The following AK7 variants were observed in gnomAD, a reference collection of about 807,000 sequenced individuals.
AK7 encodes the protein ATP-AMP transphosphorylase 7.
In AK7, 78 loss-of-function variants were observed where a neutral mutation model predicts 96.6. That is an observed-to-expected ratio of 0.81 (90% CI 0.67 to 0.97). AK7 has a LOEUF of 0.97. AK7 is among the 50% of genes least tolerant of loss of function. The pLI, the probability that AK7 is intolerant of heterozygous loss-of-function variation, is 0.00. For synonymous variants in AK7, 302 were observed against 317.2 expected, an observed-to-expected ratio of 0.95 and a Z score of 0.51; for missense variants, 855 against 887.9, an observed-to-expected ratio of 0.96 and a Z score of 0.47.
chr14:96,437,777 G>C, intron 5 of AK7, 58 bp from the exon 6 acceptor site: 1 of 1,326,904 alleles, frequency 7.5e-7, no homozygotes, highest in Non-Finnish European at 1.1e-6. Flanking sequence ...AAATAATCTG[G>C]TTCAGTATGA....
chr14:96,450,104 C>T (rs1329728869), intron 9 of AK7, among the ~76,000 whole-genome samples: 1 of 151,952 alleles, frequency 6.6e-6, no homozygotes, highest in Non-Finnish European at 1.5e-5. Context: ...CCTGAATAAC[C>T]CCCAGAGGTC....
At chr14:96,483,865 G>C (rs1468287016) in intron 16 of AK7, among the ~76,000 whole-genome samples, 1 of 152,098 alleles carries the variant, frequency 6.6e-6, no homozygotes, top group Non-Finnish European at 1.5e-5. Flanking sequence ...ACCTACCCAG[G>C]TGGTCAGCTT....
chr14:96,471,531 A>C lies in AK7; in HGVS notation c.1411A>C (p.Met471Leu), dbSNP rs754143982. ...ATTTATGAAAGAAAAGCTAAAATCA[A>C]TGCCTTGCAGGAATCAAGGTTATAT... ...IRFMKEKLKS[M>L]PCRNQGYILD... Residue 471 changes from methionine to leucine, a missense_variant, in exon 13 of 18, where the codon ATG (methionine) becomes CTG (leucine). Coordinates refer to ENST00000267584, the MANE Select transcript of AK7 (RefSeq NM_152327.5). 1 of 1,568,902 alleles carries C rather than the reference A, an allele frequency of 6.4e-7. No individual in the cohort carries two copies. Among genetic ancestry groups the C allele is most frequent in the Non-Finnish European group, 8.7e-7 (1 of 1,147,526 alleles).
chr14:96,435,681 G>A (rs773035590), intron 5 of AK7, among the ~76,000 whole-genome samples: 9 of 152,148 alleles, frequency 5.9e-5, no homozygotes, highest in South Asian at 2.1e-4. Context: ...TGTAGCCCTC[G>A]GTGGCGAGGT....
chr14:96,443,660 A>T (rs889416673), intron 7 of AK7, among the ~76,000 whole-genome samples: 1 of 152,138 alleles, frequency 6.6e-6, no homozygotes, highest in Non-Finnish European at 1.5e-5. Context: ...TGAGTCAGGG[A>T]TATCCAATCT....
At position 96,451,512 on chromosome 14, in the gene AK7, G is replaced by T. The variant is rs780991483; in HGVS notation, c.1040G>T (p.Gly347Val). 5 of 1,600,248 alleles carry T rather than the reference G, an allele frequency of 3.1e-6. No individual in the cohort carries two copies. Among genetic ancestry groups the T allele is most frequent in the African/African-American group, 1.3e-5 (1 of 74,510 alleles). ...AATATTCGATGGGCTGCCCAAACAG[G>T]ATTTGTGGAAAATATCAACACTATC... Reference protein sequence around the residue: ...NFNIRWAAQTGFVENINTILK... With the variant: ...NFNIRWAAQTVFVENINTILK... The change falls in exon 10 of 18, where the codon GGA becomes GTA. Residue 347 changes from glycine (G) to valine (V), a missense_variant. Transcript: ENST00000267584.
chr14:96,408,211 G>A (rs1007806670), intron 3 of AK7, among the ~76,000 whole-genome samples: 14 of 152,138 alleles, frequency 9.2e-5, no homozygotes, highest in African/African-American at 3.4e-4. Flanking sequence ...CTCCTAAGAG[G>A]CCCTTACTTT....
At chr14:96,415,824 A>G (rs28380219) in intron 4 of AK7, among the ~76,000 whole-genome samples, 1 of 105,056 alleles carries the variant, frequency 9.5e-6, no homozygotes, top group African/African-American at 3.3e-5. Flanking sequence ...CATTAATTAA[A>G]TAATTAAGGT....
At chr14:96,454,696 A>C (rs1259591329) in intron 10 of AK7, among the ~76,000 whole-genome samples, 1 of 149,632 alleles carries the variant, frequency 6.7e-6, no homozygotes, top group African/African-American at 2.5e-5. Flanking sequence ...CAGGGATCTC[A>C]CTATATTGCT....
chr14:96,458,304 A>T (rs977904946), intron 12 of AK7, 92 bp downstream of exon 12: 126 of 1,480,902 alleles, frequency 8.5e-5, no homozygotes, highest in Non-Finnish European at 1.1e-4. Flanking sequence ...AAAAAAAAAG[A>T]CTGAACTACA....
At chr14:96,414,659 CTA>C (rs1891220406) in intron 4 of AK7, among the ~76,000 whole-genome samples, 1 of 151,820 alleles carries the variant, frequency 6.6e-6, no homozygotes, top group African/African-American at 2.4e-5. Context: ...GTGGTAGGCG[CTA>C]TGTCTGGCCA....
intron 10 of AK7, among the ~76,000 whole-genome samples, chr14:96,452,011 G>A (rs1298324092): frequency 1.3e-5 from 2 of 152,136 alleles, no homozygotes; most frequent in African/African-American, 4.8e-5. Flanking sequence ...CATGTGGGAG[G>A]TAGAAGAAAC....
intron 1 of AK7, among the ~76,000 whole-genome samples, chr14:96,395,581 G>A (rs191446724): frequency 4.9e-4 from 75 of 151,972 alleles, no homozygotes; most frequent in Middle Eastern, 3.4e-3. Context: ...GGTGGCACAC[G>A]CCTACCTTCC....
chr14:96,408,657 C>T (rs1344514710), intron 3 of AK7, among the ~76,000 whole-genome samples, 190 bp from the exon 4 acceptor site: 2 of 152,136 alleles, frequency 1.3e-5, no homozygotes, highest in African/African-American at 2.4e-5. Flanking sequence ...TGCTGGGATC[C>T]GTATTTCGGA....
At chr14:96,449,386 A>T (rs561784303) in intron 8 of AK7, among the ~76,000 whole-genome samples, 7 of 152,242 alleles carry the variant, frequency 4.6e-5, no homozygotes, top group East Asian at 1.9e-4. Flanking sequence ...AATGCTATTT[A>T]AAAAAATTCA....
At chr14:96,467,485 G>A (rs1156438671) in intron 12 of AK7, among the ~76,000 whole-genome samples, 2 of 152,018 alleles carry the variant, frequency 1.3e-5, no homozygotes, top group African/African-American at 2.4e-5. Context: ...ACAGGCGCAC[G>A]CCACCACACC....
chr14:96,425,571 C>T (rs1891982688), intron 5 of AK7, among the ~76,000 whole-genome samples: 1 of 149,056 alleles, frequency 6.7e-6, no homozygotes, highest in Non-Finnish European at 1.5e-5. Context: ...CAACCCCTGC[C>T]TCCCAAGTTC....
intron 5 of AK7, among the ~76,000 whole-genome samples, chr14:96,429,936 T>G (rs942135240): frequency 7.2e-5 from 11 of 152,182 alleles, no homozygotes; most frequent in African/African-American, 2.7e-4. Flanking sequence ...CCTCTTTTCC[T>G]AATTGAATAC....
In AK7 at chr14:96,398,193, C is replaced by T. The variant is rs778699871; in HGVS notation, c.224C>T (p.Thr75Ile). 1.9e-6 allele frequency: 3 copies of T among 1,614,132 alleles called. No homozygotes were observed. Among genetic ancestry groups the T allele is most frequent in the Non-Finnish European group, 2.5e-6 (3 of 1,180,040 alleles). Residue 75 changes from threonine to isoleucine, a missense_variant, in exon 2 of 18, where the codon ACA becomes ATA. By Grantham distance (89) the Thr-to-Ile change is moderately conservative (BLOSUM62 -1). Coordinates refer to ENST00000267584, the MANE Select transcript of AK7 (RefSeq NM_152327.5). Reference sequence around the variant, plus strand: ...TCCTCAACCAAAGTGAAGGAAGGCACATTCCAGATTGTGGGCACGCTGTCC... The same window carrying T: ...TCCTCAACCAAAGTGAAGGAAGGCATATTCCAGATTGTGGGCACGCTGTCC... ...EASSTKVKEG[T>I]FQIVGTLSKP...
Sources: allele counts gnomAD v4.1 joint callset (sites outside exome capture counted in the v4.1 genomes callset), GRCh38; gene constraint gnomAD v4.1.1; transcripts MANE v1.5; gene names NCBI Gene and HGNC (gene_info 2026-07-23, HGNC 2026-07-21).